Variants in ANK3 observed in about 807,000 individuals in gnomAD.
ANK3 encodes ankyrin 3.
Under a neutral mutation model 370.9 loss-of-function variants are expected in ANK3, and 57 were observed. That is an observed-to-expected ratio of 0.15 (90% CI 0.12 to 0.19). The LOEUF is 0.19. Among genes scored for constraint, ANK3 ranks in the 10% least tolerant of loss-of-function variants. ANK3 has a pLI of 1.00. For synonymous variants in ANK3, 1,929 were observed against 1,946.3 expected (o/e 0.99, Z 0.23); for missense variants, 4,439 against 5,302.1 (o/e 0.84, Z 5.06).
intron 32 of ANK3, 25 bp downstream of exon 32, chr10:60,084,577 G>C (rs748127319): frequency 3.2e-6 from 5 of 1,584,456 alleles, no homozygotes; most frequent in Non-Finnish European, 4.3e-6. Flanking sequence ...GTAATGAAAT[G>C]AACTTGTTTT....
chr10:60,168,395 A>G lies in ANK3; in HGVS notation c.2479-1499T>C, dbSNP rs1038840781. Among the ~76,000 whole-genome samples, 39 of 152,206 alleles carry G rather than the reference A, an allele frequency of 2.6e-4. 1 individual carries two copies. The highest frequency in any genetic ancestry group is 8.7e-4 in the African/African-American group (36 of 41,440). On this transcript the variant is annotated intron_variant, in intron 21 of 43. Transcript: ENST00000280772. ...GAATCAACATTGATACATTATTATT[A>G]AAGTTTATATTTTATTCATTTTTCT...
At chr10:60,367,331 T>G (rs963994313) in intron 1 of ANK3, among the ~76,000 whole-genome samples, 1 of 152,152 alleles carries the variant, frequency 6.6e-6, no homozygotes, top group African/African-American at 2.4e-5. Context: ...ATTCTCCAAG[T>G]GGGGGAACAG....
chr10:60,544,640 A>G (rs1239671468), intron 2 of ANK3, among the ~76,000 whole-genome samples: 2 of 152,146 alleles, frequency 1.3e-5, no homozygotes, highest in Non-Finnish European at 1.5e-5. Context: ...AAAGTGACAG[A>G]TTTAGATTTT....
In ANK3 at chr10:60,074,582, T is replaced by G; in HGVS notation, c.6299A>C (p.Asp2100Ala). The G allele has an allele frequency of 6.2e-7, 1 of 1,614,114 alleles. No individual in the cohort carries two copies. The highest frequency in any genetic ancestry group is 8.5e-7 in the Non-Finnish European group (1 of 1,179,984). ...TSEKELCKMA[D>A]SFFGTDTILE... ...AATAGTATCTGTTCCAAAAAAGGAA[T>G]CAGCCATTTTACACAATTCTTTCTC... The change falls in exon 37 of 44, where the codon GAT (aspartate) becomes GCT (alanine). Residue 2100 changes from aspartate to alanine, a missense_variant. By Grantham distance (126) the Asp-to-Ala change is moderately radical. Around this residue, in one of 13 missense-constraint regions of ANK3, gnomAD observed 679 missense variants for 791.0 expected, o/e 0.86. Transcript: ENST00000280772.
At chr10:60,193,138 A>G (rs2096524165) in intron 16 of ANK3, among the ~76,000 whole-genome samples, 1 of 152,238 alleles carries the variant, frequency 6.6e-6, no homozygotes, top group Non-Finnish European at 1.5e-5. Flanking sequence ...GCAATTGTGT[A>G]TGGAAATGAG....
At chr10:60,374,208 G>C (rs1208239171) in intron 1 of ANK3, among the ~76,000 whole-genome samples, 1 of 151,992 alleles carries the variant, frequency 6.6e-6, no homozygotes, top group Non-Finnish European at 1.5e-5. Flanking sequence ...AAACAGACAA[G>C]GAAAGGGGAT....
At chr10:60,319,641 T>C (rs1255064146) in intron 1 of ANK3, among the ~76,000 whole-genome samples, 1 of 152,128 alleles carries the variant, frequency 6.6e-6, no homozygotes, top group Non-Finnish European at 1.5e-5. Flanking sequence ...GGCACTACAC[T>C]CCATGTTAGG....
chr10:60,726,493 T>A (rs2079942672), intron 1 of ANK3, among the ~76,000 whole-genome samples: 1 of 152,208 alleles, frequency 6.6e-6, no homozygotes, highest in African/African-American at 2.4e-5. Flanking sequence ...TTAGTTATAA[T>A]CCTTATACAA....
chr10:60,392,001 C>T (rs564679219), upstream of ANK3, among the ~76,000 whole-genome samples: 1 of 152,234 alleles, frequency 6.6e-6, no homozygotes, highest in Non-Finnish European at 1.5e-5. Flanking sequence ...CTTTTATCTT[C>T]CATTTCTAAA....
intron 1 of ANK3, among the ~76,000 whole-genome samples, chr10:60,388,551 A>G (rs933237842): frequency 6.6e-6 from 1 of 152,182 alleles, no homozygotes; most frequent in African/African-American, 2.4e-5. Flanking sequence ...ATGGAGGAAA[A>G]GTGCTTTGGG....
chr10:60,564,779 C>T (rs1055382856), intron 2 of ANK3, among the ~76,000 whole-genome samples: 5 of 152,104 alleles, frequency 3.3e-5, no homozygotes, highest in East Asian at 1.9e-4. Context: ...ACGAAGTCTA[C>T]CCTTAGAAGA....
chr10:60,143,969 AAGAG>A (rs943883416), intron 23 of ANK3, among the ~76,000 whole-genome samples: 11 of 151,230 alleles, frequency 7.3e-5, no homozygotes, highest in Non-Finnish European at 1.3e-4. Flanking sequence ...AAGAGAGTCA[AAGAG>A]AGAGAGAGAG....
intron 16 of ANK3, 83 bp from the exon 17 acceptor site, chr10:60,186,995 T>C: frequency 1.5e-6 from 2 of 1,324,072 alleles, no homozygotes; most frequent in Non-Finnish European, 2.2e-6. Context: ...TTATGTCTCT[T>C]TCTAGTGGTT....
chr10:60,281,139 T>G (rs541305978), intron 1 of ANK3, among the ~76,000 whole-genome samples: 1 of 152,310 alleles, frequency 6.6e-6, no homozygotes, highest in Non-Finnish European at 1.5e-5. Flanking sequence ...AGAGTCAACT[T>G]GCTCAGAACC....
intron 17 of ANK3, among the ~76,000 whole-genome samples, chr10:60,182,387 C>CACAT (rs1284083436): frequency 6.6e-6 from 1 of 152,128 alleles, no homozygotes; most frequent in African/African-American, 2.4e-5. Context: ...ATTTGCAGAA[C>CACAT]ACATGGTTGC....
chr10:60,330,090 A>G (rs2050856370), intron 1 of ANK3, among the ~76,000 whole-genome samples: 1 of 152,236 alleles, frequency 6.6e-6, no homozygotes, highest in Admixed American at 6.5e-5. Flanking sequence ...CATATGCAGA[A>G]AACTGAAACT....
In ANK3 at chr10:60,085,192, T is replaced by C. The variant is rs1392185232; in HGVS notation, c.3810A>G (p.Lys1270=). The C allele has an allele frequency of 1.2e-6, 2 of 1,613,318 alleles. No homozygotes were observed. The highest frequency in any genetic ancestry group is 1.7e-6 in the Non-Finnish European group (2 of 1,179,672). Reference sequence around the variant, plus strand: ...CATTGGTTGTAAAGGAGACACAATCTTTTATAAACGTCAAAGGAGTTGTTC... The same window carrying C: ...CATTGGTTGTAAAGGAGACACAATCCTTTATAAACGTCAAAGGAGTTGTTC... The part of the protein sequence containing the change: ...ITGTTPLTFI[K]DCVSFTTNVS... Residue 1270 remains lysine, a synonymous_variant, in exon 31 of 44, where the codon AAA becomes AAG. Coordinates refer to ENST00000280772, the MANE Select transcript of ANK3 (RefSeq NM_020987.5).
chr10:60,130,320 C>T (rs2093993191), intron 25 of ANK3, among the ~76,000 whole-genome samples: 1 of 152,174 alleles, frequency 6.6e-6, no homozygotes, highest in Non-Finnish European at 1.5e-5. Context: ...TACACTTTAA[C>T]TGTGGTTAAT....
rs372849677 is a variant in ANK3, at chr10:60,064,149, C to T, written c.12451+8G>A. The stretch of plus-strand genomic sequence containing the variant: ...TTTGAAAGTTAAAATAATATAATTT[C>T]GGCATACTTGTGGCATTTTTTCCGT... On this transcript the variant is annotated splice_region_variant and intron_variant, in intron 39 of 43. Coordinates refer to ENST00000280772, the MANE Select transcript of ANK3 (RefSeq NM_020987.5). 3.0e-5 allele frequency: 47 copies of T among 1,547,978 alleles called. No homozygotes were observed. The highest frequency in any genetic ancestry group is 1.3e-4 in the South Asian group (10 of 78,784).
Sources: gnomAD v4.1 joint callset for allele counts (sites outside exome capture counted in the v4.1 genomes callset) on GRCh38, gnomAD v4.1.1 for gene constraint, gnomAD v4.1.1 regional missense constraint, MANE v1.5 for transcripts, NCBI Gene and HGNC (gene_info 2026-07-23, HGNC 2026-07-21) for gene names.